Variants in RIF1 observed in about 807,000 individuals in gnomAD.
RIF1 encodes the protein telomere-associated protein RIF1.
A neutral mutation model predicts 247.1 loss-of-function variants in RIF1; 45 were observed. That is an observed-to-expected ratio of 0.18 (90% confidence interval 0.14 to 0.23). The LOEUF is 0.23. Among genes scored for constraint, RIF1 ranks in the 10% least tolerant of loss-of-function variants. The probability of loss-of-function intolerance (pLI) is 1.00; values close to 1 mark genes in which losing one functional copy is unlikely to be tolerated. For synonymous variants in RIF1, 1,087 were observed against 978.8 expected (o/e 1.11, Z -2.06); for missense variants, 2,967 against 2,862.5 (o/e 1.04, Z -0.83).
intron 9 of RIF1, among the ~76,000 whole-genome samples, chr2:151,487,419 C>T (rs1574359220): frequency 6.6e-6 from 1 of 152,170 alleles, no homozygotes; most frequent in African/African-American, 2.4e-5. Context: ...TGCATATATT[C>T]AAATTCACAA....
In RIF1 at chr2:151,465,074, C is replaced by G. The variant is rs1364830804; in HGVS notation, c.5554C>G (p.Gln1852Glu). The G allele has an allele frequency of 1.3e-6, 2 of 1,599,134 alleles. No individual in the cohort carries two copies. Among genetic ancestry groups the G allele is most frequent in the Non-Finnish European group, 1.7e-6 (2 of 1,176,410 alleles). Residue 1852 changes from glutamine (Q) to glutamate (E), a missense_variant, in exon 30 of 36, where the codon CAG becomes GAG. By Grantham distance (29) the Gln-to-Glu change is conservative. Around this residue, in one of 7 missense-constraint regions of RIF1, gnomAD observed 2,028 missense variants for 1,825.6 expected, o/e 1.11. Transcript: ENST00000444746. ...TAGTGAAGCAATGTCTCTTGAAAGC[C>G]AGGAGTCACCTAATGAAAATTTTAA... Reference protein sequence around the residue: ...DSSEAMSLESQESPNENFKTV... With the variant: ...DSSEAMSLESEESPNENFKTV...
chr2:151,493,450 G>A, intron 9 of RIF1: 1 of 1,568,338 alleles, frequency 6.4e-7, no homozygotes, highest in Non-Finnish European at 8.6e-7. Context: ...CAATACCTAG[G>A]GAAGCCAAAA....
At position 151,491,803 on chromosome 2, in the gene RIF1, A is replaced by C. The variant is rs948788560; in HGVS notation, c.*416-3426A>C. 73 of 1,526,810 alleles carry C rather than the reference A, an allele frequency of 4.8e-5. No individual in the cohort carries two copies. In the Middle Eastern group the frequency reaches 5.1e-4, roughly 11 times the overall value. 94.6% of individuals were successfully genotyped at this position (1,526,810 alleles called of 1,614,324 possible). A position where few individuals can be genotyped will look rare whatever the true frequency, so the allele number is the denominator to read the frequency against. On this transcript the variant is annotated intron_variant and NMD_transcript_variant, in intron 9 of 13. Transcript: ENST00000454583. ...GAAAGGGAAACCAGTGATCAGAACA[A>C]GTGTTCTTGGAGTTTTCCAATAACT...
At chr2:151,531,646 C>T in the RIF1 span, 1 of 666,548 alleles carries the variant, frequency 1.5e-6, no homozygotes, top group Non-Finnish European at 2.7e-6. Context: ...GAGGAGAATC[C>T]TGTGCATAAC....
intron 24 of RIF1, among the ~76,000 whole-genome samples, chr2:151,458,319 G>C (rs1695563459): frequency 7.0e-6 from 1 of 142,116 alleles, no homozygotes; most frequent in Non-Finnish European, 1.5e-5. Flanking sequence ...TGCAAGCTCT[G>C]CCTCCCGGGT....
chr2:151,434,437 ATTTTT>A (rs754795986), intron 10 of RIF1, among the ~76,000 whole-genome samples: 1 of 107,032 alleles, frequency 9.3e-6, no homozygotes, highest in Non-Finnish European at 1.8e-5. Flanking sequence ...TGGTTTTTGA[ATTTTT>A]TTTTTTTTTT....
downstream of RIF1, chr2:151,485,328 C>T (rs2049551797): frequency 6.5e-6 from 1 of 153,242 alleles, no homozygotes; most frequent in South Asian, 2.1e-4. Context: ...ATGCTCATTC[C>T]ATCCACAGAG....
chr2:151,432,004 G>GTTAT (rs928538560), intron 9 of RIF1, among the ~76,000 whole-genome samples: 53 of 152,138 alleles, frequency 3.5e-4, no homozygotes, highest in East Asian at 7.7e-4. Context: ...TCCTTTTCAA[G>GTTAT]TTATTTATTT....
intron 8 of RIF1, among the ~76,000 whole-genome samples, chr2:151,424,825 ATTTTTTTTTTTTT>A (rs71000475): frequency 0.036 from 1,695 of 47,362 alleles, 51 homozygotes; most frequent in East Asian, 0.14. Context: ...AGCCCGGCTG[ATTTTTTTTTTTTT>A]TTTTTTTTTT....
chr2:151,525,877 A>T, the RIF1 span: 1 of 1,105,636 alleles, frequency 9.0e-7, no homozygotes, highest in African/African-American at 1.5e-5. Context: ...AAAGGAAGCA[A>T]AAGGCAACTG....
In RIF1 at chr2:151,490,117, G is replaced by A. The variant is rs750018272; in HGVS notation, c.*416-5112G>A. 4 of 1,464,444 alleles carry A rather than the reference G, an allele frequency of 2.7e-6. No individual in the cohort carries two copies. The South Asian group carries it at 3.6e-5, about 13-fold the overall frequency. The allele number at this position is 1,464,444 out of a possible 1,614,324, so 90.7% of individuals were successfully genotyped here. A position where few individuals can be genotyped will look rare whatever the true frequency, so the allele number is the denominator to read the frequency against. On this transcript the variant is annotated intron_variant and NMD_transcript_variant, in intron 9 of 13. Transcript: ENST00000454583. ...GCAAATTCTTTATAAGAAGAAAAAT[G>A]GCTAGGTATCCTTTAATCTGTGTTT... is the stretch of plus-strand genomic sequence containing the variant.
intron 7 of RIF1, 87 bp downstream of exon 7, chr2:151,420,466 C>T (rs1032079567): frequency 1.5e-6 from 2 of 1,292,940 alleles, no homozygotes; most frequent in East Asian, 2.5e-5. Context: ...TGGCCAGGTA[C>T]GGTGGCTCTC....
In RIF1 at chr2:151,479,227, G is replaced by A. The variant is rs984778447; in HGVS notation, c.*4156G>A. ...GTCAATTTTGTGAATTGGGGATGCA[G>A]ACTGGTTTTGAAGGCTTAAAGTTCA... On this transcript the variant is annotated 3_prime_UTR_variant, in exon 36 of 36. Transcript: ENST00000444746. 6.6e-6 allele frequency: 1 copy of A among 152,164 alleles called. No homozygotes were observed. The highest frequency in any genetic ancestry group is 2.4e-5 in the African/African-American group (1 of 41,444). 9.4% of individuals were successfully genotyped at this position (152,164 alleles called of 1,614,324 possible).
intron 32 of RIF1, 22 bp from the exon 33 acceptor site, chr2:151,468,618 CA>C: frequency 6.2e-7 from 1 of 1,607,502 alleles, no homozygotes; most frequent in Non-Finnish European, 8.5e-7. Flanking sequence ...CTCTGTGTAA[CA>C]GCTTCTGAAA....
intron 23 of RIF1, 118 bp downstream of exon 23, chr2:151,456,738 CT>C (rs1386654863): frequency 1.0e-5 from 6 of 580,922 alleles, no homozygotes; most frequent in East Asian, 3.3e-5. Flanking sequence ...TTCTTTCTTT[CT>C]TTTTTTCCTG....
At chr2:151,430,131 C>T (rs1442719755) in intron 9 of RIF1, among the ~76,000 whole-genome samples, 1 of 151,616 alleles carries the variant, frequency 6.6e-6, no homozygotes, top group Non-Finnish European at 1.5e-5. Flanking sequence ...CACCATTCTT[C>T]TGCCTCAGCC....
At chr2:151,456,125 C>T (rs1201916270) in intron 22 of RIF1, among the ~76,000 whole-genome samples, 1 of 152,114 alleles carries the variant, frequency 6.6e-6, no homozygotes, top group African/African-American at 2.4e-5. Context: ...CTCGTACAAG[C>T]ATTTTGAAAG....
chr2:151,507,236 TC>T, intron 13 of RIF1: 2 of 456,832 alleles, frequency 4.4e-6, no homozygotes, highest in Admixed American at 3.9e-5. Context: ...TGTTTAAGTA[TC>T]CCTTGCTTAG....
chr2:151,424,762 A>G (rs1247569549), intron 8 of RIF1, among the ~76,000 whole-genome samples: 6 of 148,382 alleles, frequency 4.0e-5, no homozygotes, highest in Admixed American at 3.4e-4. Flanking sequence ...TCTGTCTCCC[A>G]GTCTCAAACC....
Sources: gnomAD v4.1 joint callset for allele counts (sites outside exome capture counted in the v4.1 genomes callset) on GRCh38, gnomAD v4.1.1 for gene constraint, gnomAD v4.1.1 regional missense constraint, MANE v1.5 for transcripts, NCBI Gene and HGNC (gene_info 2026-07-23, HGNC 2026-07-21) for gene names.